Variants in NFATC3 observed in about 807,000 individuals in gnomAD.
The protein encoded by NFATC3 is nuclear factor of activated T-cells, cytoplasmic 3.
In NFATC3, 46 loss-of-function variants were observed where a neutral mutation model predicts 98.6. That is an observed-to-expected ratio of 0.47 (90% CI 0.37 to 0.60). The LOEUF is 0.60. Among genes scored for constraint, NFATC3 ranks in the 20% least tolerant of loss-of-function variants. The pLI is 0.00. For synonymous variants in NFATC3, 512 were observed against 472.2 expected, an observed-to-expected ratio of 1.08 and a Z score of -1.09; for missense variants, 1,256 against 1,295.5, an observed-to-expected ratio of 0.97 and a Z score of 0.47.
intron 4 of NFATC3, among the ~76,000 whole-genome samples, chr16:68,163,056 G>T (rs2038972595): frequency 6.6e-6 from 1 of 152,048 alleles, no homozygotes; most frequent in South Asian, 2.1e-4. Flanking sequence ...GAGAGCACAG[G>T]GTTGGGGGTA....
chr16:68,098,541 C>T (rs1384992728), intron 1 of NFATC3, among the ~76,000 whole-genome samples: 1 of 152,034 alleles, frequency 6.6e-6, no homozygotes, highest in African/African-American at 2.4e-5. Context: ...AGCTCGTGAT[C>T]CACCCGCCTC....
At position 68,126,649 on chromosome 16, in the gene NFATC3, A is replaced by G. The variant is rs1383374735; in HGVS notation, c.1401+39A>G. On this transcript the variant is annotated intron_variant, in intron 3 of 9. Transcript: ENST00000346183. ...GGGGCTTGTTTTGCAGATACCATAC[A>G]CCTAGTGATGATTAGACAAGTCTAT... The G allele has an allele frequency of 2.5e-6, 4 of 1,603,402 alleles. No individual in the cohort carries two copies. In the African/African-American group the frequency reaches 5.4e-5, roughly 21 times the overall value.
chr16:68,214,451 G>A (rs1368547397), intron 9 of NFATC3: 3 of 1,605,106 alleles, frequency 1.9e-6, no homozygotes, highest in Non-Finnish European at 2.6e-6. Context: ...TGATTGAAAT[G>A]TGTCATTGTT....
At chr16:68,155,489 A>G (rs1381606475) in intron 3 of NFATC3, among the ~76,000 whole-genome samples, 1 of 152,210 alleles carries the variant, frequency 6.6e-6, no homozygotes, top group East Asian at 1.9e-4. Flanking sequence ...AGAACTCCTC[A>G]TAGATTAAAA....
chr16:68,193,010 C>T (rs778966849), intron 9 of NFATC3, among the ~76,000 whole-genome samples: 1 of 152,146 alleles, frequency 6.6e-6, no homozygotes, highest in Non-Finnish European at 1.5e-5. Flanking sequence ...ACCTTGGATT[C>T]AACCATCTGT....
At chr16:68,146,410 GA>G (rs76841161) in intron 3 of NFATC3, among the ~76,000 whole-genome samples, 89 of 131,680 alleles carry the variant, frequency 6.8e-4, no homozygotes, top group Non-Finnish European at 9.3e-4. Flanking sequence ...TCTCCCAAAA[GA>G]AAAAAAAAAA....
intron 8 of NFATC3, among the ~76,000 whole-genome samples, chr16:68,184,989 T>TTA (rs1435968995): frequency 1.9e-4 from 29 of 149,354 alleles, no homozygotes; most frequent in African/African-American, 6.8e-4. Flanking sequence ...ATTTATTTAT[T>TTA]TTTTTTTTTT....
At chr16:68,172,534 G>A (rs2039512740) in intron 5 of NFATC3, among the ~76,000 whole-genome samples, 3 of 152,184 alleles carry the variant, frequency 2.0e-5, no homozygotes, top group African/African-American at 7.2e-5. Context: ...GGCCTAGGCA[G>A]GAGTACTGCT....
At chr16:68,210,459 A>G (rs1598605831) in intron 9 of NFATC3, among the ~76,000 whole-genome samples, 1 of 152,148 alleles carries the variant, frequency 6.6e-6, no homozygotes, top group Non-Finnish European at 1.5e-5. Context: ...TGACAGAGTG[A>G]CACCTTGTCT....
intron 9 of NFATC3, among the ~76,000 whole-genome samples, chr16:68,194,381 C>G (rs533239672): frequency 6.6e-6 from 1 of 152,214 alleles, no homozygotes; most frequent in African/African-American, 2.4e-5. Context: ...GTTTGGTGTA[C>G]TTGAGCACTC....
rs951154148 is a variant in NFATC3, at chr16:68,085,659, C to T, written c.-23C>T. 8 of 1,498,512 alleles carry T rather than the reference C, an allele frequency of 5.3e-6. No individual in the cohort carries two copies. The highest frequency in any genetic ancestry group is 1.5e-5 in the African/African-American group (1 of 68,294). 92.8% of individuals were successfully genotyped at this position (1,498,512 alleles called of 1,614,324 possible). ...GCCGCCGCCGCCGCCTGAGGAGGAG[C>T]TGCAGCACCCTGGGCCACGCCGATG... is the stretch of plus-strand genomic sequence containing the variant. On this transcript the variant is annotated 5_prime_UTR_variant, in exon 1 of 10. Coordinates refer to ENST00000346183, the MANE Select transcript of NFATC3 (RefSeq NM_173165.3).
In NFATC3 at chr16:68,115,068, CT is replaced by C. The variant is rs935931226; in HGVS notation, c.104-6906del. ...TAACTCACCATCAGTAAATGACTTT[CT>C]TTTTTTTTTTTTGAGACCAAGTCTC... On this transcript the variant is annotated intron_variant, in intron 1 of 9. Transcript: ENST00000346183. 1.7e-3 allele frequency among the ~76,000 whole-genome samples: 244 copies of C among 143,764 alleles called. 1 individual carries two copies. The highest frequency in any genetic ancestry group is 2.9e-3 in the Admixed American group (42 of 14,388). The allele number at this position is 143,764 out of a possible 152,430, so 94.3% of individuals were successfully genotyped here.
chr16:68,185,862 C>CAAAAAAA (rs764335192), intron 8 of NFATC3, among the ~76,000 whole-genome samples: 1 of 49,354 alleles, frequency 2.0e-5, no homozygotes. Context: ...GACTCCGTCT[C>CAAAAAAA]AAAAAAAAAA....
At chr16:68,207,621 G>C (rs1417871550) in intron 9 of NFATC3, among the ~76,000 whole-genome samples, 1 of 151,992 alleles carries the variant, frequency 6.6e-6, no homozygotes, top group African/African-American at 2.4e-5. Flanking sequence ...GTGCCATCAC[G>C]CCCAGCTAAT....
intron 4 of NFATC3, among the ~76,000 whole-genome samples, chr16:68,165,458 G>A (rs1177061654): frequency 5.4e-5 from 8 of 147,850 alleles, no homozygotes; most frequent in South Asian, 4.3e-4. Context: ...GTGCAGTGGC[G>A]TGATCTCAGC....
At chr16:68,180,830 T>G (rs1000755130) in intron 6 of NFATC3, among the ~76,000 whole-genome samples, 7 of 152,184 alleles carry the variant, frequency 4.6e-5, no homozygotes, top group Admixed American at 3.9e-4. Context: ...CAAAGGACAT[T>G]AACTCATCAT....
At chr16:68,207,913 G>A (rs1165354061) in intron 9 of NFATC3, among the ~76,000 whole-genome samples, 1 of 142,600 alleles carries the variant, frequency 7.0e-6, no homozygotes, top group Admixed American at 6.9e-5. Context: ...ATCCTACTGG[G>A]TATTAAGTTA....
intron 2 of NFATC3, among the ~76,000 whole-genome samples, chr16:68,125,096 G>A (rs1286130806): frequency 6.6e-6 from 1 of 152,178 alleles, no homozygotes; most frequent in Non-Finnish European, 1.5e-5. Flanking sequence ...TAGAATTATG[G>A]TAATGAAGAC....
intron 1 of NFATC3, among the ~76,000 whole-genome samples, chr16:68,113,919 C>T (rs1214139949): frequency 6.6e-6 from 1 of 152,224 alleles, no homozygotes; most frequent in East Asian, 1.9e-4. Flanking sequence ...CAAGTTTCCC[C>T]AACACCAGCA....
Sources: gnomAD v4.1 joint callset for allele counts (sites outside exome capture counted in the v4.1 genomes callset) on GRCh38, gnomAD v4.1.1 for gene constraint, MANE v1.5 for transcripts, NCBI Gene and HGNC (gene_info 2026-07-23, HGNC 2026-07-21) for gene names.